GLT1D1: variants seen among roughly 807,000 people sequenced by gnomAD.
GLT1D1 encodes glycosyltransferase 1 domain containing 1.
Under a neutral mutation model 28.7 loss-of-function variants are expected in GLT1D1, and 21 were observed. That is an observed-to-expected ratio of 0.73 (90% CI 0.52 to 1.05). The LOEUF is 1.05. Among genes scored for constraint, GLT1D1 ranks in the 50% least tolerant of loss-of-function variants. The pLI is 0.00. For synonymous variants in GLT1D1, 147 were observed against 124.8 expected, an observed-to-expected ratio of 1.18 and a Z score of -1.19; for missense variants, 343 against 330.6, an observed-to-expected ratio of 1.04 and a Z score of -0.29.
At chr12:128,870,155 C>T (rs11059989) in intron 1 of GLT1D1, among the ~76,000 whole-genome samples, 17,202 of 152,078 alleles carry the variant, frequency 0.11, 1,085 homozygotes, top group South Asian at 0.22. Flanking sequence ...ATGTGATCCA[C>T]CTGCCTCAGC....
At chr12:128,915,514 G>A (rs567773850) in intron 4 of GLT1D1, among the ~76,000 whole-genome samples, 6 of 151,916 alleles carry the variant, frequency 3.9e-5, no homozygotes, top group East Asian at 1.9e-4. Context: ...ACATGCATGC[G>A]CCACCATGCC....
At chr12:128,871,009 A>G (rs1281107232) in intron 1 of GLT1D1, among the ~76,000 whole-genome samples, 1 of 152,004 alleles carries the variant, frequency 6.6e-6, no homozygotes, top group African/African-American at 2.4e-5. Flanking sequence ...ACAAACAAAA[A>G]CACCTTAATA....
intron 7 of GLT1D1, among the ~76,000 whole-genome samples, chr12:128,962,059 G>A (rs375176665): frequency 4.4e-5 from 6 of 136,200 alleles, no homozygotes; most frequent in African/African-American, 1.4e-4. Flanking sequence ...GTCCTATGGC[G>A]GCCCCATGTC....
intron 4 of GLT1D1, among the ~76,000 whole-genome samples, chr12:128,931,917 G>GCACGCACGCACACACACACA (rs1368012620): frequency 2.8e-5 from 4 of 141,104 alleles, no homozygotes; most frequent in African/African-American, 1.0e-4. Flanking sequence ...ACACACGCAC[G>GCACGCACGCACACACACACA]CACACACACA....
intron 4 of GLT1D1, among the ~76,000 whole-genome samples, chr12:128,911,452 C>A (rs575167931): frequency 1.3e-5 from 2 of 152,348 alleles, no homozygotes; most frequent in Non-Finnish European, 2.9e-5. Flanking sequence ...CACACTGTAT[C>A]CCTACACCGA....
chr12:128,872,388 A>AT (rs1437175784), intron 1 of GLT1D1, among the ~76,000 whole-genome samples: 1 of 152,180 alleles, frequency 6.6e-6, no homozygotes, highest in Non-Finnish European at 1.5e-5. Context: ...CAAAATGGGA[A>AT]TTTTGAGAGA....
At chr12:128,944,658 C>T in intron 4 of GLT1D1, 5 of 730,394 alleles carry the variant, frequency 6.8e-6, no homozygotes, top group Non-Finnish European at 1.3e-5. Context: ...GGGCTTCTGC[C>T]TGTGGAAGTG....
intron 4 of GLT1D1, chr12:128,906,876 C>T: frequency 1.4e-6 from 1 of 702,244 alleles, no homozygotes; most frequent in South Asian, 1.5e-5. Context: ...TACATTTACT[C>T]ATCAAAATTC....
intron 6 of GLT1D1, among the ~76,000 whole-genome samples, chr12:128,949,659 C>A (rs543376374): frequency 4.6e-5 from 7 of 152,078 alleles, no homozygotes; most frequent in Non-Finnish European, 1.0e-4. Context: ...CACTTTTGAG[C>A]TTTTTGACGG....
intron 1 of GLT1D1, among the ~76,000 whole-genome samples, chr12:128,853,851 G>T (rs1012735577): frequency 1.3e-5 from 2 of 152,104 alleles, no homozygotes; most frequent in South Asian, 4.1e-4. Context: ...GCGTGTCCCC[G>T]GGTCTCCGTG....
rs553830794 is a variant in GLT1D1 at position 128,861,826 on chromosome 12, G to A, written c.68+8177G>A. On this transcript the variant is annotated intron_variant, in intron 1 of 7. Coordinates refer to ENST00000281703, the MANE Select transcript of GLT1D1 (RefSeq NM_144669.3). ...TTCCAGGCCCGGCTACTTTCTGGCC[G>A]CATCATTCTGAATTCTCTGTGTCAA... Among the ~76,000 whole-genome samples the A allele has an allele frequency of 9.9e-5, 15 of 152,102 alleles. No homozygotes were observed. In the South Asian group the frequency reaches 1.7e-3, roughly 17 times the overall value.
At chr12:128,870,972 C>G (rs1280909274) in intron 1 of GLT1D1, among the ~76,000 whole-genome samples, 1 of 152,182 alleles carries the variant, frequency 6.6e-6, no homozygotes, top group East Asian at 1.9e-4. Context: ...GCCTGGCCCA[C>G]AGAGCAAGAC....
At chr12:128,978,814 A>G (rs1450622209) in intron 7 of GLT1D1, among the ~76,000 whole-genome samples, 3 of 152,102 alleles carry the variant, frequency 2.0e-5, no homozygotes, top group African/African-American at 7.2e-5. Flanking sequence ...CAAGGGGTGG[A>G]TTATTCATGT....
In GLT1D1 at chr12:128,936,589, G is replaced by A. The variant is rs1874590989; in HGVS notation, c.376-8737G>A. Among the ~76,000 whole-genome samples, 6 of 152,144 alleles carry A rather than the reference G, an allele frequency of 3.9e-5. No homozygotes were observed. The South Asian group carries it at 1.2e-3, about 32-fold the overall frequency. Reference sequence around the variant, plus strand: ...GATCTCTTAGCTCAACCGTTTCAACGAAGCATATGGTCTCTGCTTGCAGGC... The same window carrying A: ...GATCTCTTAGCTCAACCGTTTCAACAAAGCATATGGTCTCTGCTTGCAGGC... On this transcript the variant is annotated intron_variant, in intron 4 of 7. Transcript: ENST00000281703.
chr12:128,933,444 C>T (rs1874170189), intron 4 of GLT1D1, among the ~76,000 whole-genome samples: 2 of 152,230 alleles, frequency 1.3e-5, no homozygotes, highest in Admixed American at 1.3e-4. Flanking sequence ...CCCGGGCTGC[C>T]CTTTGGGATG....
intron 7 of GLT1D1, among the ~76,000 whole-genome samples, chr12:128,975,278 A>G (rs1879658888): frequency 6.6e-6 from 1 of 151,780 alleles, no homozygotes; most frequent in African/African-American, 2.4e-5. Context: ...GGGCGGGGGG[A>G]AGTCAAGCAT....
chr12:128,860,138 G>A (rs1210941661), intron 1 of GLT1D1, among the ~76,000 whole-genome samples: 2 of 152,172 alleles, frequency 1.3e-5, no homozygotes, highest in Admixed American at 6.5e-5. Context: ...AGCAACCCAC[G>A]TCAGAAGATT....
intron 4 of GLT1D1, chr12:128,944,379 C>T (rs78146033): frequency 0.012 from 12,310 of 1,015,848 alleles, 101 homozygotes; most frequent in Non-Finnish European, 0.016. Flanking sequence ...TTTCCAACAC[C>T]GCTTTTTTTC....
At chr12:128,902,073 T>G (rs648102) in intron 4 of GLT1D1, among the ~76,000 whole-genome samples, 2 of 151,588 alleles carry the variant, frequency 1.3e-5, no homozygotes, top group South Asian at 4.2e-4. Flanking sequence ...TGAAAGATCT[T>G]CATGACTCAG....
Sources: allele counts gnomAD v4.1 joint callset (sites outside exome capture counted in the v4.1 genomes callset), GRCh38; gene constraint gnomAD v4.1.1; transcripts MANE v1.5; gene names NCBI Gene and HGNC (gene_info 2026-07-23, HGNC 2026-07-21).